The following LONP1 variants were observed in gnomAD, a reference collection of about 807,000 sequenced individuals.
LONP1 encodes the protein lon peptidase 1, mitochondrial.
Under a neutral mutation model 98.5 loss-of-function variants are expected in LONP1, and 31 were observed. That is an observed-to-expected ratio of 0.31 (90% CI 0.24 to 0.42). The LOEUF (loss-of-function observed/expected upper bound fraction) is 0.42, where lower values mean the gene tolerates loss of function less well. LONP1 is among the 20% of genes least tolerant of loss of function. The pLI, the probability that LONP1 is intolerant of heterozygous loss-of-function variation, is 1.00. For missense variants in LONP1, 1,336 were observed against 1,350.6 expected, an observed-to-expected ratio of 0.99 and a Z score of 0.17; for synonymous variants, 781 against 594.7, an observed-to-expected ratio of 1.31 and a Z score of -4.56.
chr19:5,701,165 G>A (rs2055034257), intron 8 of LONP1, among the ~76,000 whole-genome samples: 1 of 152,210 alleles, frequency 6.6e-6, no homozygotes, highest in Admixed American at 6.5e-5. Context: ...CAATTTACAG[G>A]CCAGGCACAG....
intron 8 of LONP1, among the ~76,000 whole-genome samples, chr19:5,703,149 C>G (rs1247863934): frequency 6.7e-6 from 1 of 149,782 alleles, no homozygotes; most frequent in African/African-American, 2.5e-5. Context: ...CCACTGCACT[C>G]CAGCCTGGGC....
intron 17 of LONP1, 65 bp downstream of exon 17, chr19:5,693,233 A>T: frequency 1.3e-6 from 2 of 1,541,162 alleles, no homozygotes; most frequent in Non-Finnish European, 8.8e-7. Flanking sequence ...CATGGCGGGG[A>T]CTGGGCCTGT....
At chr19:5,704,928 A>C (rs971294042) in intron 8 of LONP1, among the ~76,000 whole-genome samples, 37 of 152,348 alleles carry the variant, frequency 2.4e-4, no homozygotes, top group Admixed American at 2.0e-3. Flanking sequence ...TGGGAGGGCA[A>C]GGTGGGCGGA....
chr19:5,696,455 G>A (rs368298646), intron 11 of LONP1, 84 bp from the exon 12 acceptor site: 4 of 1,544,214 alleles, frequency 2.6e-6, no homozygotes, highest in African/African-American at 1.4e-5. Context: ...TCAGGGCTGG[G>A]GAGACCCCGA....
In LONP1 at chr19:5,719,823, C is replaced by T; in HGVS notation, c.310G>A (p.Gly104Arg). ...AGCGCCGTTATGACCGGGCCTTCCC[C>T]GGCGCCCGCGCTGCCCCCCGCGCCG... ...AGGAGGSAGA[G>R]EGPVITALTP... Residue 104 changes from glycine to arginine, a missense_variant, in exon 1 of 18, where the codon GGG becomes AGG. Around this residue, in one of 5 missense-constraint regions of LONP1, gnomAD observed 457 missense variants for 403.1 expected, o/e 1.13. Coordinates refer to ENST00000360614, the MANE Select transcript of LONP1 (RefSeq NM_004793.4). 1 of 1,610,620 alleles carries T rather than the reference C, an allele frequency of 6.2e-7. No homozygotes were observed. Among genetic ancestry groups the T allele is most frequent in the Non-Finnish European group, 8.5e-7 (1 of 1,179,246 alleles).
At chr19:5,711,020 C>G (rs183162679) in intron 4 of LONP1, among the ~76,000 whole-genome samples, 125 of 151,116 alleles carry the variant, frequency 8.3e-4, no homozygotes, top group African/African-American at 3.0e-3. Flanking sequence ...GAGCCAGACT[C>G]TGTCTCAAAA....
chr19:5,714,929 C>T (rs1474025077), intron 1 of LONP1: 3 of 150,342 alleles, frequency 2.0e-5, no homozygotes, highest in African/African-American at 7.4e-5. Context: ...CCCAGGGTAG[C>T]TTTTGTAGCT....
In LONP1 at chr19:5,706,964, G is replaced by A. The variant is rs1349453792; in HGVS notation, c.1146+96C>T. 13 of 1,039,480 alleles carry A rather than the reference G, an allele frequency of 1.3e-5. No individual in the cohort carries two copies. In the East Asian group the frequency reaches 3.4e-4, roughly 27 times the overall value. The allele number at this position is 1,039,480 out of a possible 1,614,324, so 64.4% of individuals were successfully genotyped here. A position where few individuals can be genotyped will look rare whatever the true frequency, so the allele number is the denominator to read the frequency against. Reference sequence around the variant, plus strand: ...GCCTTCTTGGCTTGCCCTGGCCGATGCCACCGGTCCCTCCGTGTGCTCCAG... The same window carrying A: ...GCCTTCTTGGCTTGCCCTGGCCGATACCACCGGTCCCTCCGTGTGCTCCAG... On this transcript the variant is annotated intron_variant, in intron 7 of 17. Transcript: ENST00000360614.
intron 4 of LONP1, 37 bp downstream of exon 4, chr19:5,711,734 G>A (rs2055240050): frequency 6.4e-7 from 1 of 1,554,944 alleles, no homozygotes; most frequent in African/African-American, 1.3e-5. Flanking sequence ...CCGTGGGGGA[G>A]GCAGCTGTGG....
At position 5,719,890 on chromosome 19, in the gene LONP1, C is replaced by T. The variant is rs554698847; in HGVS notation, c.243G>A (p.Gly81=). The change falls in exon 1 of 18, where the codon GGG becomes GGA. Residue 81 remains glycine, a synonymous_variant. Coordinates refer to ENST00000360614, the MANE Select transcript of LONP1 (RefSeq NM_004793.4). ...ASSRGGGAFS[G]GEDASEGGAE... is the part of the protein sequence containing the mutation. ...CGCCGCCCTCGGAGGCGTCCTCGCC[C>T]CCCGAGAATGCGCCTCCGCCGCGGC... The T allele has an allele frequency of 6.4e-6, 10 of 1,566,102 alleles. No homozygotes were observed. In the East Asian group the frequency reaches 2.1e-4, roughly 33 times the overall value.
At chr19:5,700,699 G>C (rs978627262) in intron 9 of LONP1, 90 bp downstream of exon 9, 5 of 1,532,856 alleles carry the variant, frequency 3.3e-6, no homozygotes, top group Non-Finnish European at 4.4e-6. Flanking sequence ...TCACCAGGGG[G>C]CTCCTTTGAA....
At chr19:5,694,703 ATCAGCG>A in intron 14 of LONP1, 52 bp downstream of exon 14, 1 of 1,575,296 alleles carries the variant, frequency 6.3e-7, no homozygotes, top group Admixed American at 1.7e-5. Flanking sequence ...AGGTGGGGTG[ATCAGCG>A]TGGGATGGTG....
chr19:5,716,151 C>T lies in LONP1; in HGVS notation c.430-1880G>A, dbSNP rs367806229. Among the ~76,000 whole-genome samples, 22 of 150,584 alleles carry T rather than the reference C, an allele frequency of 1.5e-4. No individual in the cohort carries two copies. The East Asian group carries it at 3.7e-3, about 25-fold the overall frequency. ...CTTTGCGGGGCTGAGGTGGGAGGAT[C>T]GCTTGAGCCCAGGAGTTTGAGACCA... On this transcript the variant is annotated intron_variant, in intron 1 of 17. Coordinates refer to ENST00000360614, the MANE Select transcript of LONP1 (RefSeq NM_004793.4).
In LONP1 at chr19:5,712,988, ACCC is replaced by A. The variant is rs1490363570; in HGVS notation, c.638+143_638+145del. On this transcript the variant is annotated intron_variant, in intron 3 of 17. Transcript: ENST00000360614. Reference sequence around the variant, plus strand: ...TCCAGAGGTGACATGTCTCACTCTCACCCCCAGCTCTGGCCTCAGTGCTAGTGA... The same window carrying A: ...TCCAGAGGTGACATGTCTCACTCTCACCAGCTCTGGCCTCAGTGCTAGTGA... 26 of 1,092,360 alleles carry A rather than the reference ACCC, an allele frequency of 2.4e-5. No individual in the cohort carries two copies. In the Middle Eastern group the frequency reaches 8.7e-4, roughly 36 times the overall value. The allele number at this position is 1,092,360 out of a possible 1,614,324, so 67.7% of individuals were successfully genotyped here.
At chr19:5,719,046 C>G (rs1345346056) in intron 1 of LONP1, among the ~76,000 whole-genome samples, 2 of 152,142 alleles carry the variant, frequency 1.3e-5, no homozygotes, top group Admixed American at 6.6e-5. Context: ...CTGTCTCATC[C>G]TGCCAAAATG....
At chr19:5,692,609 T>C (rs2054847574) in intron 17 of LONP1, among the ~76,000 whole-genome samples, 2 of 152,024 alleles carry the variant, frequency 1.3e-5, no homozygotes, top group South Asian at 4.2e-4. Context: ...CCCCCTCACC[T>C]CCGGAGGCTA....
intron 4 of LONP1, among the ~76,000 whole-genome samples, chr19:5,710,567 CAG>C (rs1376078219): frequency 1.3e-5 from 2 of 151,710 alleles, no homozygotes; most frequent in Non-Finnish European, 2.9e-5. Context: ...TTTGTGGAGA[CAG>C]GGGTCTCAAT....
intron 11 of LONP1, 99 bp downstream of exon 11, chr19:5,696,571 C>A: frequency 1.5e-6 from 2 of 1,360,048 alleles, no homozygotes. Context: ...CGGCGATGGC[C>A]CCTGAGTTGG....
intron 7 of LONP1, 29 bp from the exon 8 acceptor site, chr19:5,706,021 C>T (rs1342420686): frequency 6.6e-7 from 1 of 1,524,472 alleles, no homozygotes; most frequent in African/African-American, 1.4e-5. Context: ...CCATCAGGCC[C>T]TGGCTCCGGG....
Sources: allele counts gnomAD v4.1 joint callset (sites outside exome capture counted in the v4.1 genomes callset), GRCh38; gene constraint gnomAD v4.1.1; regional missense constraint gnomAD v4.1.1; transcripts MANE v1.5; gene names NCBI Gene and HGNC (gene_info 2026-07-23, HGNC 2026-07-21).